The following USP47 variants were observed in gnomAD, a reference collection of about 807,000 sequenced individuals.
USP47 encodes the protein ubiquitin carboxyl-terminal hydrolase 47.
Under a neutral mutation model 165.1 loss-of-function variants are expected in USP47, and 35 were observed. The observed-to-expected ratio is 0.21, with a 90% CI of 0.16 to 0.28. The LOEUF (loss-of-function observed/expected upper bound fraction) is 0.28. Among genes scored for constraint, USP47 ranks in the 10% least tolerant of loss-of-function variants. The pLI is 1.00. For missense variants in USP47, 1,277 were observed against 1,607.4 expected (o/e 0.79, Z 3.52); for synonymous variants, 531 against 544.5 (o/e 0.98, Z 0.35).
chr11:11,854,515 A>G (rs958544108), intron 1 of USP47, among the ~76,000 whole-genome samples: 1 of 147,420 alleles, frequency 6.8e-6, no homozygotes. Flanking sequence ...GATATTAGCT[A>G]TTACCACCTT....
At chr11:11,881,561 A>G (rs148899245) in intron 2 of USP47, among the ~76,000 whole-genome samples, 4 of 152,000 alleles carry the variant, frequency 2.6e-5, no homozygotes, top group East Asian at 3.9e-4. Context: ...TTATTTTTCC[A>G]TAGATCTGAT....
chr11:11,913,527 A>G (rs141352033), intron 8 of USP47, among the ~76,000 whole-genome samples: 8 of 152,072 alleles, frequency 5.3e-5, no homozygotes, highest in African/African-American at 1.4e-4. Flanking sequence ...CAGATATTAC[A>G]TGTTCTCATT....
rs899584964 is a variant in USP47, at chr11:11,946,504, G to A, written c.3092-1441G>A. Among the ~76,000 whole-genome samples the A allele has an allele frequency of 3.0e-4, 46 of 152,324 alleles. 1 individual carries two copies. Among genetic ancestry groups the A allele is most frequent in the Admixed American group, 2.8e-3 (43 of 15,296 alleles). ...TACATTTGTCACAACAATGTTATAT[G>A]TTATGATCACGTGGGAAAACAGGTT... is the stretch of plus-strand genomic sequence containing the variant. On this transcript the variant is annotated intron_variant, in intron 20 of 27. Transcript: ENST00000527733.
chr11:11,885,143 A>G (rs1851072950), intron 3 of USP47, among the ~76,000 whole-genome samples: 1 of 152,152 alleles, frequency 6.6e-6, no homozygotes, highest in Non-Finnish European at 1.5e-5. Context: ...TATCTAATGC[A>G]GTATCTCCCA....
At chr11:11,919,164 A>G (rs1190376261) in intron 8 of USP47, among the ~76,000 whole-genome samples, 9 of 151,944 alleles carry the variant, frequency 5.9e-5, no homozygotes, top group Non-Finnish European at 1.2e-4. Flanking sequence ...GCTCTATCAA[A>G]CAATATGTGG....
intron 1 of USP47, among the ~76,000 whole-genome samples, chr11:11,855,511 A>T (rs929986276): frequency 6.6e-5 from 10 of 152,222 alleles, no homozygotes; most frequent in African/African-American, 2.4e-4. Context: ...TTTCTAGTAG[A>T]GAAAAATTAA....
intron 18 of USP47, 48 bp downstream of exon 18, chr11:11,938,420 G>A (rs1470007430): frequency 2.9e-6 from 4 of 1,368,372 alleles, no homozygotes; most frequent in Non-Finnish European, 4.1e-6. Context: ...AGCCTGCTAT[G>A]TACAAGACAC....
intron 27 of USP47, among the ~76,000 whole-genome samples, chr11:11,955,389 A>G (rs558473797): frequency 2.2e-4 from 34 of 152,356 alleles, no homozygotes; most frequent in East Asian, 5.8e-4. Flanking sequence ...TGTAAACCCA[A>G]TATATCCAAA....
chr11:11,891,896 C>T, intron 3 of USP47, 72 bp from the exon 4 acceptor site: 1 of 1,536,818 alleles, frequency 6.5e-7, no homozygotes, highest in Admixed American at 1.9e-5. Context: ...AACCTTCCTA[C>T]AGGAAATGGT....
intron 1 of USP47, among the ~76,000 whole-genome samples, chr11:11,870,689 A>G (rs771685988): frequency 1.3e-5 from 2 of 152,172 alleles, no homozygotes; most frequent in Admixed American, 6.5e-5. Context: ...CCTGAAAAAT[A>G]CTGTGCCACT....
At chr11:11,852,755 G>A (rs1165078162) in intron 1 of USP47, among the ~76,000 whole-genome samples, 3 of 152,190 alleles carry the variant, frequency 2.0e-5, no homozygotes, top group Admixed American at 6.5e-5. Context: ...GGAGGCATCA[G>A]AGCTAAATCC....
At chr11:11,905,621 G>C (rs1470577088) in intron 8 of USP47, 73 bp downstream of exon 8, 8 of 1,327,888 alleles carry the variant, frequency 6.0e-6, no homozygotes, top group Middle Eastern at 1.9e-4. Flanking sequence ...ATAATCTCTT[G>C]TAAGGTAAGT....
intron 4 of USP47, among the ~76,000 whole-genome samples, chr11:11,894,810 A>G (rs1245461234): frequency 6.6e-6 from 1 of 152,214 alleles, no homozygotes; most frequent in Non-Finnish European, 1.5e-5. Flanking sequence ...CAAATATATT[A>G]AAATACATGT....
chr11:11,858,870 T>C (rs530710083), intron 1 of USP47, among the ~76,000 whole-genome samples: 1 of 152,314 alleles, frequency 6.6e-6, no homozygotes, highest in Non-Finnish European at 1.5e-5. Context: ...ATACAAGCTT[T>C]TGGGTGGACA....
chr11:11,884,256 G>T (rs576114388), intron 2 of USP47, among the ~76,000 whole-genome samples: 63 of 152,258 alleles, frequency 4.1e-4, no homozygotes, highest in South Asian at 6.2e-4. Context: ...GTTGGGGAAT[G>T]TGAGTCTCTG....
intron 11 of USP47, among the ~76,000 whole-genome samples, chr11:11,923,198 G>T (rs1047923860): frequency 1.3e-5 from 2 of 151,214 alleles, no homozygotes; most frequent in Non-Finnish European, 3.0e-5. Flanking sequence ...ATGCCTAGTA[G>T]TCAAGAAACC....
Position 11,938,267 on chromosome 11 carries a change from G to T in USP47, c.2088G>T (p.Val696=). ...CTTCAAATGTGACAGAAGTGATGGT[G>T]AAAGTTCATGTTGTTGATCTAAAGG... ...FQSYKPGEVM[V]KVHVVDLKAE... is the part of the protein sequence containing the mutation. Residue 696 remains valine (V), a synonymous_variant, in exon 18 of 28, where the codon GTG becomes GTT. Transcript: ENST00000527733. 1 of 1,611,936 alleles carries T rather than the reference G, an allele frequency of 6.2e-7. No individual in the cohort carries two copies. Among genetic ancestry groups the T allele is most frequent in the Non-Finnish European group, 8.5e-7 (1 of 1,178,628 alleles).
intron 1 of USP47, among the ~76,000 whole-genome samples, chr11:11,867,961 C>A (rs1849788608): frequency 6.6e-6 from 1 of 152,046 alleles, no homozygotes; most frequent in South Asian, 2.1e-4. Context: ...GTTGCACGTT[C>A]TTAGGAGTAC....
At chr11:11,921,200 A>C (rs1853811694) in intron 10 of USP47, among the ~76,000 whole-genome samples, 1 of 151,724 alleles carries the variant, frequency 6.6e-6, no homozygotes, top group Admixed American at 6.6e-5. Flanking sequence ...TAATTATTTC[A>C]AAGTGATTTA....
Sources: gnomAD v4.1 joint callset for allele counts (sites outside exome capture counted in the v4.1 genomes callset) on GRCh38, gnomAD v4.1.1 for gene constraint, MANE v1.5 for transcripts, NCBI Gene and HGNC (gene_info 2026-07-23, HGNC 2026-07-21) for gene names.